The following FCHO2 variants were observed in gnomAD, a reference collection of about 807,000 sequenced individuals.
FCHO2 encodes FCH and mu domain containing endocytic adaptor 2.
A neutral mutation model predicts 114.1 loss-of-function variants in FCHO2; 43 were observed. The observed-to-expected ratio is 0.38, with a 90% CI of 0.30 to 0.49. FCHO2 has a LOEUF of 0.49. Ranked by LOEUF, FCHO2 falls within the 20% of genes least tolerant of loss-of-function variation. The probability of loss-of-function intolerance (pLI) is 0.97; values close to 1 mark genes in which losing one functional copy is unlikely to be tolerated. For missense variants in FCHO2, 807 were observed against 950.4 expected, an observed-to-expected ratio of 0.85 and a Z score of 1.98; for synonymous variants, 293 against 315.2, an observed-to-expected ratio of 0.93 and a Z score of 0.75.
rs551577081 is a variant in FCHO2, at chr5:73,063,636, T to C, written c.1346-205T>C. Among the ~76,000 whole-genome samples, 9 of 152,206 alleles carry C rather than the reference T, an allele frequency of 5.9e-5. No homozygotes were observed. The East Asian group carries it at 1.7e-3, about 29-fold the overall frequency. On this transcript the variant is annotated intron_variant, in intron 17 of 25. Coordinates refer to ENST00000430046, the MANE Select transcript of FCHO2 (RefSeq NM_138782.3). ...GTGTCAGTTATTGAAAGGTTAACTT[T>C]TTTTCAGGAATATTACTGGTCACTT...
intron 8 of FCHO2, among the ~76,000 whole-genome samples, chr5:73,019,371 C>A (rs1755483447): frequency 6.6e-6 from 1 of 151,986 alleles, no homozygotes; most frequent in Non-Finnish European, 1.5e-5. Context: ...CATGGTGAAA[C>A]CCTCTACTGA....
At chr5:73,062,684 A>G (rs920784721) in intron 17 of FCHO2, among the ~76,000 whole-genome samples, 6 of 151,918 alleles carry the variant, frequency 3.9e-5, no homozygotes, top group Admixed American at 1.3e-4. Flanking sequence ...ATCTCTTATT[A>G]TGGTATGCTT....
chr5:73,051,308 A>G, intron 11 of FCHO2, 41 bp from the exon 12 acceptor site: 4 of 1,334,396 alleles, frequency 3.0e-6, no homozygotes, highest in Non-Finnish European at 3.1e-6. Context: ...AATTTTGTAC[A>G]TTGGAGTTGT....
intron 8 of FCHO2, among the ~76,000 whole-genome samples, chr5:73,026,082 A>G (rs532977129): frequency 1.6e-4 from 25 of 152,084 alleles, no homozygotes; most frequent in Admixed American, 2.6e-4. Flanking sequence ...AACTCTAACT[A>G]CTCCATTGAG....
chr5:73,056,727 G>T (rs1348281833), intron 16 of FCHO2, among the ~76,000 whole-genome samples: 1 of 152,030 alleles, frequency 6.6e-6, no homozygotes, highest in Non-Finnish European at 1.5e-5. Context: ...TATTTCAGCT[G>T]GTTATTCTCA....
intron 19 of FCHO2, among the ~76,000 whole-genome samples, chr5:73,073,167 C>T (rs1346274949): frequency 1.3e-5 from 2 of 151,936 alleles, no homozygotes; most frequent in Non-Finnish European, 1.5e-5. Flanking sequence ...TTGATCAGGC[C>T]ACTAGCTTTC....
At chr5:73,000,609 C>T (rs746486820) in intron 5 of FCHO2, among the ~76,000 whole-genome samples, 1 of 150,442 alleles carries the variant, frequency 6.6e-6, no homozygotes, top group Non-Finnish European at 1.5e-5. Context: ...AACCCCATTT[C>T]TGCTAAAAAT....
intron 8 of FCHO2, among the ~76,000 whole-genome samples, chr5:73,029,272 A>G (rs1166019972): frequency 6.6e-6 from 1 of 152,204 alleles, no homozygotes; most frequent in South Asian, 2.1e-4. Flanking sequence ...GCTTATAGAC[A>G]TAAGTACTAT....
At chr5:73,056,014 ATATTT>A in intron 15 of FCHO2, 46 bp from the exon 16 acceptor site, 1 of 1,257,160 alleles carries the variant, frequency 8.0e-7, no homozygotes, top group Non-Finnish European at 1.1e-6. Flanking sequence ...TTTCATTAAA[ATATTT>A]TATTTCTCAG....
Position 73,062,924 on chromosome 5 carries a change from T to C in FCHO2, c.1346-917T>C, listed in dbSNP as rs191780865. ...CTCTAAACTTTGAAAACATGCTGAA[T>C]ATGTTTCTTCCCACCCATTATATTT... On this transcript the variant is annotated intron_variant, in intron 17 of 25. Coordinates refer to ENST00000430046, the MANE Select transcript of FCHO2 (RefSeq NM_138782.3). 4.4e-4 allele frequency among the ~76,000 whole-genome samples: 67 copies of C among 152,248 alleles called. 1 individual carries two copies. The East Asian group carries it at 9.4e-3, about 21-fold the overall frequency.
chr5:73,063,984 G>C (rs1173194925), intron 18 of FCHO2, 40 bp downstream of exon 18: 1 of 1,501,278 alleles, frequency 6.7e-7, no homozygotes, highest in East Asian at 2.4e-5. Context: ...TAACTGTTTT[G>C]ATTTAAGATG....
chr5:73,067,474 G>T (rs1013544839), intron 18 of FCHO2, among the ~76,000 whole-genome samples: 14 of 151,968 alleles, frequency 9.2e-5, no homozygotes, highest in African/African-American at 3.1e-4. Context: ...CTGTACTCTG[G>T]AAAAAATAGT....
intron 19 of FCHO2, among the ~76,000 whole-genome samples, chr5:73,071,424 G>A (rs1742646973): frequency 1.3e-5 from 2 of 152,030 alleles, no homozygotes; most frequent in South Asian, 4.1e-4. Context: ...ATAGTAGGGA[G>A]TGGGTGTCTG....
At chr5:73,021,626 C>T (rs1755631292) in intron 8 of FCHO2, among the ~76,000 whole-genome samples, 1 of 152,146 alleles carries the variant, frequency 6.6e-6, no homozygotes, top group Admixed American at 6.5e-5. Flanking sequence ...CTTTCTCCAT[C>T]AAAAGTGCCA....
At chr5:73,022,281 T>C (rs1755668742) in intron 8 of FCHO2, among the ~76,000 whole-genome samples, 1 of 152,196 alleles carries the variant, frequency 6.6e-6, no homozygotes, top group African/African-American at 2.4e-5. Flanking sequence ...GAGAATGAGC[T>C]TGAAGTGGAT....
At chr5:73,071,401 G>C (rs1262312966) in intron 19 of FCHO2, among the ~76,000 whole-genome samples, 1 of 152,048 alleles carries the variant, frequency 6.6e-6, no homozygotes, top group Non-Finnish European at 1.5e-5. Context: ...TAGAAGCATG[G>C]AGATGATAGG....
At chr5:73,069,617 T>C (rs770428616) in intron 19 of FCHO2, among the ~76,000 whole-genome samples, 1 of 151,932 alleles carries the variant, frequency 6.6e-6, no homozygotes, top group Non-Finnish European at 1.5e-5. Context: ...ATTTGAGTGA[T>C]GGGGTGGGGG....
intron 1 of FCHO2, among the ~76,000 whole-genome samples, chr5:72,956,741 G>A (rs890633665): frequency 6.6e-6 from 1 of 152,162 alleles, no homozygotes; most frequent in African/African-American, 2.4e-5. Flanking sequence ...TGGATTTAAT[G>A]TAACTGGACT....
intron 10 of FCHO2, 108 bp downstream of exon 10, chr5:73,037,323 T>C (rs1205259053): frequency 1.5e-6 from 1 of 678,102 alleles, no homozygotes; most frequent in Non-Finnish European, 2.3e-6. Flanking sequence ...CTCAAAAGTA[T>C]ATGTGTAAGG....
Sources: allele counts gnomAD v4.1 joint callset (sites outside exome capture counted in the v4.1 genomes callset), GRCh38; gene constraint gnomAD v4.1.1; transcripts MANE v1.5; gene names NCBI Gene and HGNC (gene_info 2026-07-23, HGNC 2026-07-21).